CDHR1: variants seen among roughly 807,000 people sequenced by gnomAD.
The protein encoded by CDHR1 is cadherin-related family member 1.
CDHR1 carries 61 observed loss-of-function variants against 72.1 expected under a neutral mutation model. The ratio of observed to expected loss-of-function variants is 0.85; its 90% confidence interval spans 0.69 to 1.05. The LOEUF (loss-of-function observed/expected upper bound fraction) is 1.05, where lower values mean the gene tolerates loss of function less well. CDHR1 is among the 50% of genes least tolerant of loss of function. The pLI is 0.00. For missense variants in CDHR1, 1,186 were observed against 1,115.7 expected, an observed-to-expected ratio of 1.06 and a Z score of -0.90; for synonymous variants, 470 against 448.1, an observed-to-expected ratio of 1.05 and a Z score of -0.62.
intron 7 of CDHR1, 113 bp from the exon 8 acceptor site, chr10:84,202,867 G>A (rs1589298660): frequency 8.7e-7 from 1 of 1,154,522 alleles, no homozygotes; most frequent in Non-Finnish European, 1.3e-6. Context: ...GAAACTTGGA[G>A]AGGACAGCTG....
intron 8 of CDHR1, among the ~76,000 whole-genome samples, chr10:84,203,551 A>G (rs1842170089): frequency 2.0e-5 from 3 of 151,836 alleles, no homozygotes; most frequent in Non-Finnish European, 4.4e-5. Flanking sequence ...AGTAGTTGGG[A>G]CTACAGGTGC....
At chr10:84,197,058 G>T (rs1842042854) in intron 3 of CDHR1, among the ~76,000 whole-genome samples, 1 of 152,082 alleles carries the variant, frequency 6.6e-6, no homozygotes, top group African/African-American at 2.4e-5. Flanking sequence ...GTCTGAGTTT[G>T]GCAGAGCTCC....
intron 8 of CDHR1, among the ~76,000 whole-genome samples, chr10:84,203,674 C>T (rs771455047): frequency 6.6e-6 from 1 of 152,192 alleles, no homozygotes; most frequent in African/African-American, 2.4e-5. Flanking sequence ...CCTTGGCCTC[C>T]GAAAGTGCTG....
Position 84,214,419 on chromosome 10 carries a change from C to T in CDHR1, c.2378C>T (p.Ala793Val), listed in dbSNP as rs1842392972. ...PESSLLPRAPALPPPPSVAPS... is the reference protein window; with the variant it reads ...PESSLLPRAPVLPPPPSVAPS... ...AGCTCTCTGCTCCCGAGAGCTCCGG[C>T]TCTCCCTCCACCACCCAGCGTGGCG... The change falls in exon 17 of 17, where the codon GCT becomes GTT. Residue 793 changes from alanine (A) to valine (V), a missense_variant. Coordinates refer to ENST00000623527, the MANE Select transcript of CDHR1 (RefSeq NM_033100.4). The T allele has an allele frequency of 2.0e-5, 33 of 1,613,540 alleles. No homozygotes were observed. The East Asian group carries it at 6.9e-4, about 34-fold the overall frequency.
chr10:84,203,007 G>A lies in CDHR1; in HGVS notation c.667G>A (p.Asp223Asn), dbSNP rs766579684. The A allele has an allele frequency of 3.6e-5, 58 of 1,614,062 alleles. No homozygotes were observed. Among genetic ancestry groups the A allele is most frequent in the Non-Finnish European group, 4.8e-5 (57 of 1,180,038 alleles). The change falls in exon 8 of 17, where the codon GAT becomes AAT. Residue 223 changes from aspartate to asparagine, a missense_variant. By Grantham distance (23) the Asp-to-Asn change is conservative. Transcript: ENST00000623527. Reference protein sequence around the residue: ...KDGGGRLHGADVVFSATTTVT... With the variant: ...KDGGGRLHGANVVFSATTTVT... The stretch of plus-strand genomic sequence containing the variant: ...TGGCGGTGGGAGGCTTCATGGGGCT[G>A]ATGTGGTGTTCTCAGCCACCACCAC...
At chr10:84,202,003 G>A in intron 7 of CDHR1, 83 bp downstream of exon 7, 1 of 966,816 alleles carries the variant, frequency 1.0e-6, no homozygotes, top group Non-Finnish European at 1.6e-6. Context: ...GGGAGTGGGA[G>A]CAGTTTGGAG....
chr10:84,214,674 G>C lies in CDHR1; in HGVS notation c.*53G>C. 1 of 1,596,606 alleles carries C rather than the reference G, an allele frequency of 6.3e-7. No individual in the cohort carries two copies. Among genetic ancestry groups the C allele is most frequent in the Non-Finnish European group, 8.5e-7 (1 of 1,178,778 alleles). On this transcript the variant is annotated 3_prime_UTR_variant, in exon 17 of 17. Transcript: ENST00000623527. ...CTCCGCCCCTGACCCCCACCACCCTGCTGCTCGGACTATGCTCCCCTTCCT... is the reference window on the plus strand; with the variant it reads ...CTCCGCCCCTGACCCCCACCACCCTCCTGCTCGGACTATGCTCCCCTTCCT...
In CDHR1 at chr10:84,211,711, G is replaced by T; in HGVS notation, c.1549G>T (p.Asp517Tyr). Residue 517 changes from aspartate (D) to tyrosine (Y), a missense_variant, in exon 14 of 17, where the codon GAC (aspartate) becomes TAC (tyrosine). Transcript: ENST00000623527. ...ATATTCCACCTATGGGACTGGGGCA[G>T]ACCTGTAAGTAGATCCAGAATCCAG... ...VKYSTYGTGA[D>Y]LFLIHPSTGL... The T allele has an allele frequency of 6.2e-7, 1 of 1,613,524 alleles. No homozygotes were observed. The highest frequency in any genetic ancestry group is 8.5e-7 in the Non-Finnish European group (1 of 1,179,402).
Position 84,215,903 on chromosome 10 carries a change from A to G in CDHR1, c.*1282A>G. The G allele has an allele frequency of 8.1e-6, 8 of 985,452 alleles. No homozygotes were observed. The highest frequency in any genetic ancestry group is 9.6e-6 in the Non-Finnish European group (8 of 829,964). The allele number at this position is 985,452 out of a possible 1,614,324, so 61.0% of individuals were successfully genotyped here. A position where few individuals can be genotyped will look rare whatever the true frequency, so the allele number is the denominator to read the frequency against. On this transcript the variant is annotated 3_prime_UTR_variant, in exon 17 of 17. Coordinates refer to ENST00000623527, the MANE Select transcript of CDHR1 (RefSeq NM_033100.4). ...TGGCCAGCTACCGTCAGAGAGAACC[A>G]GAGCTCCAAGTCTTTAATTTGCCAA... is the stretch of plus-strand genomic sequence containing the variant.
At chr10:84,203,876 G>T (rs565014904) in intron 8 of CDHR1, among the ~76,000 whole-genome samples, 11 of 152,178 alleles carry the variant, frequency 7.2e-5, no homozygotes, top group Non-Finnish European at 1.3e-4. Flanking sequence ...AGGGGAGGAG[G>T]TGGTGCTGAG....
chr10:84,216,083 A>G lies in CDHR1; in HGVS notation c.*1462A>G, dbSNP rs943503224. On this transcript the variant is annotated 3_prime_UTR_variant, in exon 17 of 17. Coordinates refer to ENST00000623527, the MANE Select transcript of CDHR1 (RefSeq NM_033100.4). Reference sequence around the variant, plus strand: ...TACAAGGCCTCTGGGGTTAATACAAATAGGTTGTGCCCTGCTTTAAGGAAC... The same window carrying G: ...TACAAGGCCTCTGGGGTTAATACAAGTAGGTTGTGCCCTGCTTTAAGGAAC... 4 of 985,348 alleles carry G rather than the reference A, an allele frequency of 4.1e-6. No individual in the cohort carries two copies. The highest frequency in any genetic ancestry group is 5.2e-4 in the Middle Eastern group (1 of 1,936). The allele number at this position is 985,348 out of a possible 1,614,324, so 61.0% of individuals were successfully genotyped here.
Position 84,217,679 on chromosome 10 carries a change from A to G in CDHR1, c.*3058A>G, listed in dbSNP as rs752104994. 2.5e-4 allele frequency: 246 copies of G among 985,396 alleles called. No homozygotes were observed. The highest frequency in any genetic ancestry group is 2.9e-4 in the Non-Finnish European group (241 of 830,008). The allele number at this position is 985,396 out of a possible 1,614,324, so 61.0% of individuals were successfully genotyped here. Reference sequence around the variant, plus strand: ...ACATACTAGAACACCATGTCCTGAAAGAGAGGACCCCCTCCATGCATCCTC... The same window carrying G: ...ACATACTAGAACACCATGTCCTGAAGGAGAGGACCCCCTCCATGCATCCTC... On this transcript the variant is annotated 3_prime_UTR_variant, in exon 17 of 17. Transcript: ENST00000623527.
chr10:84,214,387 C>T lies in CDHR1; in HGVS notation c.2346C>T (p.Ser782=), dbSNP rs754993040. The T allele has an allele frequency of 1.9e-6, 3 of 1,614,070 alleles. No homozygotes were observed. The highest frequency in any genetic ancestry group is 2.7e-5 in the African/African-American group (2 of 75,054). Residue 782 remains serine, a synonymous_variant, in exon 17 of 17, where the codon AGC becomes AGT. Coordinates refer to ENST00000623527, the MANE Select transcript of CDHR1 (RefSeq NM_033100.4). ...KPPNENCNNN[S]PESSLLPRAP... ...CCAATGAGAACTGTAACAACAACAG[C>T]CCAGAAAGCTCTCTGCTCCCGAGAG...
chr10:84,214,475 C>G lies in CDHR1; in HGVS notation c.2434C>G (p.Pro812Ala), dbSNP rs45584033. ...CACTGGCGCAGCCCAGTGGACCGTGCCTACTGTCTCTGGCTCTCTCACTCC... is the reference window on the plus strand; with the variant it reads ...CACTGGCGCAGCCCAGTGGACCGTGGCTACTGTCTCTGGCTCTCTCACTCC... ...PSTGAAQWTV[P>A]TVSGSLTPQP... is the part of the protein sequence containing the mutation. Residue 812 changes from proline to alanine, a missense_variant, in exon 17 of 17, where the codon CCT becomes GCT. Physicochemically the swap from Pro to Ala is conservative, Grantham distance 27 (BLOSUM62 -1). Transcript: ENST00000623527. 3.1e-6 allele frequency: 5 copies of G among 1,610,036 alleles called. No homozygotes were observed. The highest frequency in any genetic ancestry group is 1.1e-5 in the South Asian group (1 of 91,068).
At chr10:84,219,600 A>G (rs1842478269), downstream of CDHR1, 1 of 233,934 alleles carries the variant, frequency 4.3e-6, no homozygotes, top group Admixed American at 5.5e-5. Flanking sequence ...GATACCCGAG[A>G]CTGGGTAATT....
At chr10:84,198,429 C>G (rs60979663) in intron 4 of CDHR1, among the ~76,000 whole-genome samples, 3,814 of 152,298 alleles carry the variant, frequency 0.025, 148 homozygotes, top group African/African-American at 0.086. Flanking sequence ...TCTCTCACAT[C>G]CACCCCACCC....
intron 10 of CDHR1, among the ~76,000 whole-genome samples, chr10:84,207,632 C>T (rs183630410): frequency 1.7e-3 from 259 of 152,278 alleles, no homozygotes; most frequent in African/African-American, 6.1e-3. Flanking sequence ...TTATCAGCTG[C>T]ATAACTAATT....
Position 84,196,657 on chromosome 10 carries a change from G to A in CDHR1, c.297+7G>A, listed in dbSNP as rs1197610213. On this transcript the variant is annotated splice_region_variant and intron_variant, in intron 3 of 16. Transcript: ENST00000623527. ...TGAAGAGCTGGACAGAGAGGTATGG[G>A]GAGGTGTGGGGAGTGCTGCGGGGCC... 2 of 1,614,060 alleles carry A rather than the reference G, an allele frequency of 1.2e-6. No individual in the cohort carries two copies. Among genetic ancestry groups the A allele is most frequent in the Admixed American group, 3.3e-5 (2 of 60,010 alleles).
In CDHR1 at chr10:84,214,348, C is replaced by T. The variant is rs772135445; in HGVS notation, c.2307C>T (p.Leu769=). ...KSTKAATKFM[L]KEKPPNENCN... ...CCAAAGCCGCTACCAAGTTCATGCT[C>T]AAAGAGAAACCTCCCAATGAGAACT... Residue 769 remains leucine (L), a synonymous_variant, in exon 17 of 17, where the codon CTC becomes CTT. Coordinates refer to ENST00000623527, the MANE Select transcript of CDHR1 (RefSeq NM_033100.4). 1.2e-6 allele frequency: 2 copies of T among 1,614,106 alleles called. No individual in the cohort carries two copies. The highest frequency in any genetic ancestry group is 1.3e-5 in the African/African-American group (1 of 74,948).
Sources: gnomAD v4.1 joint callset for allele counts (sites outside exome capture counted in the v4.1 genomes callset) on GRCh38, gnomAD v4.1.1 for gene constraint, MANE v1.5 for transcripts, NCBI Gene and HGNC (gene_info 2026-07-23, HGNC 2026-07-21) for gene names.